PIGL: variants seen among roughly 807,000 people sequenced by gnomAD.
The protein encoded by PIGL is N-acetylglucosaminyl-phosphatidylinositol de-N-acetylase.
PIGL carries 22 observed loss-of-function variants against 31.1 expected under a neutral mutation model. The ratio of observed to expected loss-of-function variants is 0.71; its 90% CI spans 0.51 to 1.01. The LOEUF is 1.01. PIGL is among the 50% of genes least tolerant of loss of function. The pLI, the probability that PIGL is intolerant of heterozygous loss-of-function variation, is 0.00. For synonymous variants in PIGL, 131 were observed against 117.4 expected (o/e 1.12, Z -0.75); for missense variants, 302 against 315.9 (o/e 0.96, Z 0.33).
At chr17:16,266,388 CAAAAAAAAA>C (rs60708474) in intron 2 of PIGL, among the ~76,000 whole-genome samples, 2,320 of 72,062 alleles carry the variant, frequency 0.032, 70 homozygotes, top group African/African-American at 0.11. Context: ...GACTCCATCT[CAAAAAAAAA>C]AAAAAAAAAA....
chr17:16,249,975 T>G (rs536955758), intron 2 of PIGL, among the ~76,000 whole-genome samples: 2 of 152,252 alleles, frequency 1.3e-5, no homozygotes, highest in East Asian at 3.9e-4. Flanking sequence ...TGATGGAGTT[T>G]CACTCTTGTT....
At chr17:16,293,352 G>A (rs182832060) in intron 2 of PIGL, among the ~76,000 whole-genome samples, 128 of 152,292 alleles carry the variant, frequency 8.4e-4, no homozygotes, top group Non-Finnish European at 1.5e-3. Context: ...GTGAAACCCC[G>A]TCTCTACTAA....
intron 2 of PIGL, among the ~76,000 whole-genome samples, chr17:16,264,596 CGTCATTATTATTATTATT>C (rs1346515884): frequency 1.4e-5 from 2 of 148,072 alleles, no homozygotes; most frequent in East Asian, 2.0e-4. Flanking sequence ...CCAAACACAT[CGTCATTATTATTATTATT>C]ATTATTATTA....
intron 3 of PIGL, among the ~76,000 whole-genome samples, chr17:16,303,837 CCTGAGT>C (rs1367724335): frequency 6.6e-6 from 1 of 152,136 alleles, no homozygotes; most frequent in Admixed American, 6.6e-5. Flanking sequence ...GCCTCAGCCT[CCTGAGT>C]AGCTGGGACT....
intron 1 of PIGL, among the ~76,000 whole-genome samples, chr17:16,228,848 A>C (rs997939926): frequency 6.6e-6 from 1 of 152,128 alleles, no homozygotes; most frequent in Non-Finnish European, 1.5e-5. Context: ...CATTCTTTCT[A>C]TCTCTATGAA....
chr17:16,243,516 C>T (rs74782433), intron 2 of PIGL, among the ~76,000 whole-genome samples: 7,236 of 152,186 alleles, frequency 0.048, 197 homozygotes, highest in African/African-American at 0.086. Flanking sequence ...GGGGTCACCA[C>T]GGGAGAATTT....
At chr17:16,241,063 G>A (rs191739230) in intron 2 of PIGL, among the ~76,000 whole-genome samples, 1,355 of 124,246 alleles carry the variant, frequency 0.011, 28 homozygotes, top group African/African-American at 0.039. Flanking sequence ...GCAGTGAGCC[G>A]AAATCACGCC....
chr17:16,270,150 A>G (rs1600805157), intron 2 of PIGL, among the ~76,000 whole-genome samples: 1 of 151,948 alleles, frequency 6.6e-6, no homozygotes, highest in Admixed American at 6.6e-5. Context: ...TTAGCTGGGC[A>G]TGGTGGTGGG....
intron 2 of PIGL, among the ~76,000 whole-genome samples, chr17:16,243,432 T>G (rs2092731348): frequency 6.6e-6 from 1 of 152,222 alleles, no homozygotes; most frequent in Non-Finnish European, 1.5e-5. Context: ...CCCATTCATT[T>G]CAGTATGCTA....
At chr17:16,274,326 G>C (rs1271948921) in intron 2 of PIGL, among the ~76,000 whole-genome samples, 1 of 152,216 alleles carries the variant, frequency 6.6e-6, no homozygotes, top group African/African-American at 2.4e-5. Flanking sequence ...GAAGGCAAGA[G>C]TTCTCTTGCG....
intron 3 of PIGL, among the ~76,000 whole-genome samples, chr17:16,309,276 A>G (rs1439335051): frequency 6.6e-6 from 1 of 152,218 alleles, no homozygotes; most frequent in Non-Finnish European, 1.5e-5. Context: ...TGCATGGCAG[A>G]GCAGGAACGC....
intron 2 of PIGL, among the ~76,000 whole-genome samples, chr17:16,299,576 G>A (rs554821482): frequency 1.8e-4 from 28 of 152,152 alleles, no homozygotes; most frequent in Non-Finnish European, 2.1e-4. Flanking sequence ...ATATCATCAT[G>A]CCTTGTGCTC....
chr17:16,298,327 T>C (rs554772730), intron 2 of PIGL, among the ~76,000 whole-genome samples: 4 of 152,282 alleles, frequency 2.6e-5, no homozygotes, highest in East Asian at 3.9e-4. Flanking sequence ...GCAGAGCCCA[T>C]GTCCTCTCAG....
At chr17:16,245,791 T>C (rs1295585928) in intron 2 of PIGL, among the ~76,000 whole-genome samples, 4 of 144,934 alleles carry the variant, frequency 2.8e-5, no homozygotes, top group African/African-American at 8.1e-5. Flanking sequence ...TATATATATA[T>C]ATACACACAC....
chr17:16,239,337 G>T (rs1247961093), intron 2 of PIGL, among the ~76,000 whole-genome samples: 1 of 151,748 alleles, frequency 6.6e-6, no homozygotes, highest in Non-Finnish European at 1.5e-5. Context: ...CAAAAAATTA[G>T]CCAGGCGTGG....
intron 2 of PIGL, among the ~76,000 whole-genome samples, chr17:16,268,749 G>C (rs986794651): frequency 6.6e-6 from 1 of 150,528 alleles, no homozygotes; most frequent in Admixed American, 6.6e-5. Flanking sequence ...TGCGCCTGGC[G>C]TTTTTTTGTT....
At chr17:16,305,604 C>A (rs2142845885) in intron 3 of PIGL, among the ~76,000 whole-genome samples, 1 of 152,270 alleles carries the variant, frequency 6.6e-6, no homozygotes, top group South Asian at 2.1e-4. Flanking sequence ...AGAGAAAAAA[C>A]AAAGACTGGA....
intron 2 of PIGL, among the ~76,000 whole-genome samples, chr17:16,236,441 C>G (rs943614145): frequency 6.6e-6 from 1 of 152,110 alleles, no homozygotes; most frequent in Non-Finnish European, 1.5e-5. Context: ...TTTTCCAGTA[C>G]TATCTTGTAT....
chr17:16,255,026 A>C (rs2092788244), intron 2 of PIGL, among the ~76,000 whole-genome samples: 1 of 152,248 alleles, frequency 6.6e-6, no homozygotes, highest in African/African-American at 2.4e-5. Flanking sequence ...TCTTCCTGTG[A>C]CCAGCATATG....
Sources: allele counts gnomAD v4.1 joint callset (sites outside exome capture counted in the v4.1 genomes callset), GRCh38; gene constraint gnomAD v4.1.1; transcripts MANE v1.5; gene names NCBI Gene and HGNC (gene_info 2026-07-23, HGNC 2026-07-21).